The following DDB2 variants were observed in gnomAD, a reference collection of about 807,000 sequenced individuals.
DDB2 encodes the protein DNA damage-binding protein 2.
In DDB2, 27 loss-of-function variants were observed where a neutral mutation model predicts 50.5. That is an observed-to-expected ratio of 0.53 (90% CI 0.39 to 0.74). DDB2 has a LOEUF of 0.74. Among genes scored for constraint, DDB2 ranks in the 30% least tolerant of loss-of-function variants. The pLI is 0.00. For synonymous variants in DDB2, 176 were observed against 205.5 expected, an observed-to-expected ratio of 0.86 and a Z score of 1.23; for missense variants, 424 against 545.6, an observed-to-expected ratio of 0.78 and a Z score of 2.22.
chr11:47,215,989 A>C, intron 1 of DDB2: 1 of 401,828 alleles, frequency 2.5e-6, no homozygotes, highest in African/African-American at 2.0e-5. Flanking sequence ...GATTTATAAA[A>C]TTGTGACCCA....
intron 3 of DDB2, among the ~76,000 whole-genome samples, chr11:47,229,172 A>G (rs1387568667): frequency 6.6e-6 from 1 of 152,070 alleles, no homozygotes; most frequent in Non-Finnish European, 1.5e-5. Flanking sequence ...GGTGAATGTC[A>G]TTACAGGTGG....
intron 9 of DDB2, 107 bp from the exon 10 acceptor site, chr11:47,238,693 C>T (rs751824557): frequency 6.0e-5 from 78 of 1,289,726 alleles, no homozygotes; most frequent in Non-Finnish European, 7.9e-5. Context: ...CCACCGCGCC[C>T]GGCCTTCCTA....
chr11:47,225,254 T>TAAAAA (rs10708891), intron 3 of DDB2, among the ~76,000 whole-genome samples: 1 of 136,316 alleles, frequency 7.3e-6, no homozygotes, highest in African/African-American at 2.7e-5. Context: ...CCTGTGTCTT[T>TAAAAA]AAAAAAAAAA....
At chr11:47,234,726 G>T (rs775591023) in intron 5 of DDB2, 31 bp from the exon 6 acceptor site, 1 of 1,613,900 alleles carries the variant, frequency 6.2e-7, no homozygotes. Flanking sequence ...TCGGTTCTGT[G>T]TCCCCACCTG....
intron 6 of DDB2, 40 bp downstream of exon 6, chr11:47,234,974 C>T: frequency 6.2e-7 from 1 of 1,607,488 alleles, no homozygotes; most frequent in South Asian, 1.1e-5. Context: ...CAGACCCTGC[C>T]TGTCTGACCA....
upstream of DDB2, chr11:47,214,806 A>G: frequency 2.5e-6 from 1 of 397,948 alleles, no homozygotes. Flanking sequence ...GCCGGGGACC[A>G]TCTTTGCTCC....
rs150119905 is a variant in DDB2 at position 47,237,056 on chromosome 11, G to A, written c.1024-781G>A. Among the ~76,000 whole-genome samples the A allele has an allele frequency of 7.7e-3, 1,168 of 152,294 alleles. 17 individuals carry two copies. Among genetic ancestry groups the A allele is most frequent in the African/African-American group, 0.027 (1,113 of 41,554 alleles). ...TTTAGTGGGGTGATCTGGGGAATGT[G>A]GGTTTCCTTCTCTTTTTTAGCCATT... On this transcript the variant is annotated intron_variant, in intron 7 of 9. Coordinates refer to ENST00000256996, the MANE Select transcript of DDB2 (RefSeq NM_000107.3).
chr11:47,229,655 C>A, intron 3 of DDB2: 1 of 276,446 alleles, frequency 3.6e-6, no homozygotes, highest in South Asian at 3.3e-5. Context: ...CTCGAATCAA[C>A]TCTGTGGTGT....
chr11:47,227,099 C>CT (rs34243882), intron 3 of DDB2, among the ~76,000 whole-genome samples: 6,618 of 31,964 alleles, frequency 0.21, 2,191 homozygotes, highest in East Asian at 0.57. Context: ...GGATATTAAC[C>CT]TTTTTTTTTT....
At chr11:47,235,015 A>G in intron 6 of DDB2, 81 bp downstream of exon 6, 1 of 1,509,822 alleles carries the variant, frequency 6.6e-7, no homozygotes, top group Admixed American at 1.7e-5. Context: ...TGTGGAAGCC[A>G]CTACGTCAAA....
rs897265403 is a variant in DDB2 at position 47,234,402 on chromosome 11, G to A, written c.603-171G>A. ...ATTATCCCATCCCCTCTGTCTGGAC[G>A]GTAGAGCAGTCTGAATGTTCCTCAC... is the stretch of plus-strand genomic sequence containing the variant. On this transcript the variant is annotated intron_variant, in intron 4 of 9. Coordinates refer to ENST00000256996, the MANE Select transcript of DDB2 (RefSeq NM_000107.3). Among the ~76,000 whole-genome samples the A allele has an allele frequency of 2.5e-4, 38 of 152,154 alleles. 1 individual carries two copies. The highest frequency in any genetic ancestry group is 2.5e-3 in the Admixed American group (38 of 15,266).
At chr11:47,227,099 C>CTTTTTTTTTTTTTTTT (rs34243882) in intron 3 of DDB2, among the ~76,000 whole-genome samples, 1 of 32,144 alleles carries the variant, frequency 3.1e-5, no homozygotes, top group Non-Finnish European at 5.1e-5. Flanking sequence ...GGATATTAAC[C>CTTTTTTTTTTTTTTTT]TTTTTTTTTT....
rs952996539 is a variant in DDB2 at position 47,237,953 on chromosome 11, G to A, written c.1140G>A (p.Gly380=). Residue 380 remains glycine, a synonymous_variant, in exon 8 of 10, where the codon GGG becomes GGA. Transcript: ENST00000256996. The stretch of plus-strand genomic sequence containing the variant: ...TCGACGTGTTCGATGGAAACTCAGG[G>A]AAGATGATGTGTCAGCTCTATGACC... ...RTIDVFDGNS[G]KMMCQLYDPE... 4.3e-6 allele frequency: 7 copies of A among 1,614,180 alleles called. No homozygotes were observed. Among genetic ancestry groups the A allele is most frequent in the Non-Finnish European group, 5.9e-6 (7 of 1,180,038 alleles).
chr11:47,228,977 A>ATATCTATCTAACTATC, intron 3 of DDB2, among the ~76,000 whole-genome samples: 2 of 124,690 alleles, frequency 1.6e-5, no homozygotes, highest in South Asian at 5.4e-4. Context: ...AAAAAAAGAA[A>ATATCTATCTAACTATC]TATCTATCTA....
At chr11:47,216,213 G>A in intron 1 of DDB2, 123 bp from the exon 2 acceptor site, 1 of 1,447,116 alleles carries the variant, frequency 6.9e-7, no homozygotes, top group Non-Finnish European at 9.7e-7. Flanking sequence ...ACATGGAAAG[G>A]CCGCAGGAGG....
intron 7 of DDB2, chr11:47,235,875 C>CT (rs1235998940): frequency 0.032 from 3,796 of 118,334 alleles, 148 homozygotes; most frequent in African/African-American, 0.098. Context: ...TCCTGCCTCA[C>CT]TTTTTTTTTT....
chr11:47,235,456 A>C (rs543392705), intron 7 of DDB2, 44 bp downstream of exon 7: 4 of 1,591,986 alleles, frequency 2.5e-6, no homozygotes, highest in African/African-American at 2.7e-5. Flanking sequence ...GGCTGTGATC[A>C]TGAGGCCGGA....
chr11:47,217,695 T>C (rs1417626767), intron 3 of DDB2, among the ~76,000 whole-genome samples: 1 of 151,376 alleles, frequency 6.6e-6, no homozygotes, highest in African/African-American at 2.4e-5. Flanking sequence ...ATGGAGACCA[T>C]CCTGGCCAAC....
chr11:47,215,555 CT>C, intron 1 of DDB2: 1 of 437,086 alleles, frequency 2.3e-6, no homozygotes, highest in Non-Finnish European at 4.3e-6. Flanking sequence ...AGAATCCTAC[CT>C]TTCCTGGCGC....
Sources: allele counts gnomAD v4.1 joint callset (sites outside exome capture counted in the v4.1 genomes callset), GRCh38; gene constraint gnomAD v4.1.1; transcripts MANE v1.5; gene names NCBI Gene and HGNC (gene_info 2026-07-23, HGNC 2026-07-21).